Variants in GET1 observed in about 807,000 individuals in gnomAD.
GET1 encodes the protein guided entry of tail-anchored proteins factor 1.
GET1 carries 20 observed loss-of-function variants against 22.6 expected under a neutral mutation model. That is an observed-to-expected ratio of 0.89 (90% confidence interval 0.62 to 1.29). The LOEUF is 1.29. Ranked by LOEUF, GET1 falls within the 50% of genes most tolerant of loss-of-function variation. The pLI is 0.00. For synonymous variants in GET1, 92 were observed against 83.8 expected (o/e 1.10, Z -0.53); for missense variants, 209 against 219.9 (o/e 0.95, Z 0.31).
chr21:39,398,438 T>C (rs1048386719), downstream of GET1, among the ~76,000 whole-genome samples: 1 of 152,160 alleles, frequency 6.6e-6, no homozygotes, highest in Admixed American at 6.5e-5. Flanking sequence ...CTTAAAGATA[T>C]TCTCATTCAG....
At chr21:39,410,343 G>T, downstream of GET1, 1 of 1,603,630 alleles carries the variant, frequency 6.2e-7, no homozygotes, top group Non-Finnish European at 8.5e-7. Flanking sequence ...TTTTCTGTCT[G>T]CTTGGACTGA....
At chr21:39,420,332 G>C (rs2042067765) in intron 1 of GET1, among the ~76,000 whole-genome samples, 1 of 152,024 alleles carries the variant, frequency 6.6e-6, no homozygotes, top group Non-Finnish European at 1.5e-5. Context: ...GACCAGCCTG[G>C]CCAACACGGC....
rs370002039 is a variant in GET1, at chr21:39,388,342, G to T, written c.103-2356G>T. Among the ~76,000 whole-genome samples the T allele has an allele frequency of 2.6e-5, 4 of 152,174 alleles. No individual in the cohort carries two copies. In the East Asian group the frequency reaches 5.8e-4, roughly 22 times the overall value. ...GAGATCTAATGCAGGCGTCAAGTACGTTACCACGATCTGATCCTCAGACCC... is the reference window on the plus strand; with the variant it reads ...GAGATCTAATGCAGGCGTCAAGTACTTTACCACGATCTGATCCTCAGACCC... On this transcript the variant is annotated intron_variant, in intron 1 of 4. Coordinates refer to ENST00000649170, the MANE Select transcript of GET1 (RefSeq NM_004627.6).
intron 4 of GET1, 100 bp downstream of exon 4, chr21:39,393,380 A>G (rs1480207111): frequency 1.1e-5 from 10 of 944,852 alleles, no homozygotes; most frequent in South Asian, 1.5e-5. Context: ...CTCACCGTCC[A>G]TTTAGTGAGC....
chr21:39,424,967 G>C (rs1221757003), intron 1 of GET1, among the ~76,000 whole-genome samples: 1 of 152,222 alleles, frequency 6.6e-6, no homozygotes, highest in African/African-American at 2.4e-5. Flanking sequence ...CACACAGCTA[G>C]GAAGTGGTGA....
rs375147715 is a variant in GET1 at position 39,412,547 on chromosome 21, TG to T, written c.*23+1611del. Among the ~76,000 whole-genome samples, 9 of 151,912 alleles carry T rather than the reference TG, an allele frequency of 5.9e-5. No homozygotes were observed. The East Asian group carries it at 1.6e-3, about 26-fold the overall frequency. On this transcript the variant is annotated intron_variant, in intron 1 of 1. Transcript: ENST00000478273. ...CATGGTTAAGAGAGGTGGGCATATATGAAGTAAGGAGGAAGGAACCCAGGGA... is the reference window on the plus strand; with the variant it reads ...CATGGTTAAGAGAGGTGGGCATATATAAGTAAGGAGGAAGGAACCCAGGGA...
chr21:39,423,681 A>G (rs1011885638), intron 1 of GET1, among the ~76,000 whole-genome samples: 3 of 152,248 alleles, frequency 2.0e-5, no homozygotes, highest in African/African-American at 7.2e-5. Context: ...TACTTTATAT[A>G]TAACTACCTC....
At chr21:39,417,826 C>T (rs372932600) in intron 1 of GET1, among the ~76,000 whole-genome samples, 11 of 152,102 alleles carry the variant, frequency 7.2e-5, no homozygotes, top group East Asian at 1.9e-4. Context: ...AGTGCGGTGG[C>T]GTGATCTCCG....
At chr21:39,406,977 G>A (rs1014730600), downstream of GET1, among the ~76,000 whole-genome samples, 8 of 152,116 alleles carry the variant, frequency 5.3e-5, no homozygotes, top group African/African-American at 1.4e-4. Flanking sequence ...CTGTAATTCC[G>A]GCACTTTGGG....
chr21:39,381,614 A>G (rs1167394135), intron 1 of GET1, among the ~76,000 whole-genome samples: 1 of 152,274 alleles, frequency 6.6e-6, no homozygotes, highest in East Asian at 1.9e-4. Flanking sequence ...AAGACTCCTG[A>G]TGAGCTGGCC....
At chr21:39,380,775 G>T (rs774502032) in intron 1 of GET1, 24 of 1,119,028 alleles carry the variant, frequency 2.1e-5, no homozygotes, top group Non-Finnish European at 2.6e-5. Context: ...CTAGTGCCCC[G>T]CTGTCAGCCT....
intron 1 of GET1, chr21:39,380,841 C>T (rs930434437): frequency 2.0e-6 from 2 of 1,005,288 alleles, no homozygotes; most frequent in Non-Finnish European, 1.2e-6. Flanking sequence ...GCCAGGGTTT[C>T]CCAGAGGCCT....
chr21:39,382,272 C>T (rs2037601208), intron 1 of GET1, among the ~76,000 whole-genome samples: 1 of 152,082 alleles, frequency 6.6e-6, no homozygotes, highest in African/African-American at 2.4e-5. Context: ...CCAGGTTGGT[C>T]TCAAACTCCT....
chr21:39,394,818 G>C (rs1188071350), intron 4 of GET1, among the ~76,000 whole-genome samples: 2 of 152,078 alleles, frequency 1.3e-5, no homozygotes, highest in Non-Finnish European at 2.9e-5. Context: ...ATGAATTTTA[G>C]GGGGATACAA....
At chr21:39,418,013 A>G (rs986569553) in intron 1 of GET1, among the ~76,000 whole-genome samples, 1 of 152,084 alleles carries the variant, frequency 6.6e-6, no homozygotes, top group Non-Finnish European at 1.5e-5. Flanking sequence ...TGATCCACCC[A>G]CCTTGGCCTC....
rs2038725029 is a variant in GET1 at position 39,397,565 on chromosome 21, C to T, written c.*626C>T. 1 of 152,222 alleles carries T rather than the reference C, an allele frequency of 6.6e-6. No individual in the cohort carries two copies. Among genetic ancestry groups the T allele is most frequent in the African/African-American group, 2.4e-5 (1 of 41,428 alleles). The allele number at this position is 152,222 out of a possible 1,614,324, so 9.4% of individuals were successfully genotyped here. On this transcript the variant is annotated 3_prime_UTR_variant, in exon 5 of 5. Coordinates refer to ENST00000649170, the MANE Select transcript of GET1 (RefSeq NM_004627.6). The stretch of plus-strand genomic sequence containing the variant: ...TAAATGTATCCACGAGACCATGATG[C>T]ATTGTTTTGTGCTCAACTTGTGTTT...
At chr21:39,401,923 C>T (rs1569048166), downstream of GET1, among the ~76,000 whole-genome samples, 2 of 152,096 alleles carry the variant, frequency 1.3e-5, no homozygotes. Context: ...GTGCTGACTG[C>T]ACCACTGACT....
At chr21:39,403,806 G>C (rs2038909358) in intron 4 of GET1, among the ~76,000 whole-genome samples, 1 of 151,702 alleles carries the variant, frequency 6.6e-6, no homozygotes, top group Non-Finnish European at 1.5e-5. Flanking sequence ...ATTTTTAGTA[G>C]AGACGGGGTT....
At chr21:39,399,963 G>C (rs1053823809), downstream of GET1, among the ~76,000 whole-genome samples, 2 of 150,542 alleles carry the variant, frequency 1.3e-5, no homozygotes, top group Admixed American at 1.3e-4. Flanking sequence ...TGCCCAGGCT[G>C]GTCTCAAACT....
Sources: gnomAD v4.1 joint callset for allele counts (sites outside exome capture counted in the v4.1 genomes callset) on GRCh38, gnomAD v4.1.1 for gene constraint, MANE v1.5 for transcripts, NCBI Gene and HGNC (gene_info 2026-07-23, HGNC 2026-07-21) for gene names.